Variants in CHD6 observed in about 807,000 individuals in gnomAD.
CHD6 encodes chromodomain helicase DNA binding protein 6.
Under a neutral mutation model 276.9 loss-of-function variants are expected in CHD6, and 50 were observed. The ratio of observed to expected loss-of-function variants is 0.18; its 90% CI spans 0.14 to 0.23. CHD6 has a LOEUF of 0.23. CHD6 is among the 10% of genes least tolerant of loss of function. The pLI is 1.00. For missense variants in CHD6, 2,564 were observed against 3,365.8 expected, an observed-to-expected ratio of 0.76 and a Z score of 5.89; for synonymous variants, 1,173 against 1,229.3, an observed-to-expected ratio of 0.95 and a Z score of 0.96.
intron 26 of CHD6, 69 bp from the exon 27 acceptor site, chr20:41,437,403 G>A: frequency 9.3e-7 from 1 of 1,070,910 alleles, no homozygotes; most frequent in Non-Finnish European, 1.4e-6. Flanking sequence ...CAGTTACCCT[G>A]GTCAACCACA....
intron 1 of CHD6, among the ~76,000 whole-genome samples, chr20:41,597,642 C>T (rs1456038206): frequency 6.6e-6 from 1 of 152,078 alleles, no homozygotes. Context: ...AAAGGCATCG[C>T]CCTCTCCAAA....
chr20:41,471,289 C>T (rs998738087), intron 17 of CHD6, among the ~76,000 whole-genome samples: 12 of 152,140 alleles, frequency 7.9e-5, no homozygotes, highest in Admixed American at 3.3e-4. Flanking sequence ...GTATAATTGT[C>T]GTAAGTAGGT....
chr20:41,429,053 T>A (rs1299827446), intron 27 of CHD6, among the ~76,000 whole-genome samples: 1 of 152,186 alleles, frequency 6.6e-6, no homozygotes, highest in African/African-American at 2.4e-5. Flanking sequence ...GGCCATGACT[T>A]CATCCTTTTA....
In CHD6 at chr20:41,402,363, G is replaced by A. The variant is rs1353032272; in HGVS notation, c.*2230C>T. The A allele has an allele frequency of 4.4e-6, 1 of 228,838 alleles. No individual in the cohort carries two copies. Among genetic ancestry groups the A allele is most frequent in the Non-Finnish European group, 8.7e-6 (1 of 115,354 alleles). 14.2% of individuals were successfully genotyped at this position (228,838 alleles called of 1,614,324 possible). A position where few individuals can be genotyped will look rare whatever the true frequency, so the allele number is the denominator to read the frequency against. ...CACAACAGCAGTCAAATAGAAGCCT[G>A]AACACCCAGAGAGTTAACATACAGA... On this transcript the variant is annotated 3_prime_UTR_variant, in exon 37 of 37. Transcript: ENST00000373233.
chr20:41,450,543 T>C (rs908111007), intron 23 of CHD6, among the ~76,000 whole-genome samples: 1 of 151,938 alleles, frequency 6.6e-6, no homozygotes, highest in Non-Finnish European at 1.5e-5. Flanking sequence ...AATGCATGCC[T>C]ATCAAATAAC....
chr20:41,570,587 G>A lies in CHD6; in HGVS notation c.-23-19227C>T, dbSNP rs551374348. 5.7e-4 allele frequency among the ~76,000 whole-genome samples: 87 copies of A among 152,322 alleles called. No individual in the cohort carries two copies. The Middle Eastern group carries it at 0.017, about 30-fold the overall frequency. ...ATAAGGAAACAATTTTTACAAGGCA[G>A]TCATTCTAGATTCTCAGCCTTCTGT... On this transcript the variant is annotated intron_variant, in intron 1 of 36. Transcript: ENST00000373233.
intron 1 of CHD6, among the ~76,000 whole-genome samples, chr20:41,618,128 G>GCAGGCCGCCGCCTGCCCTCCGC (rs1192200520): frequency 6.7e-6 from 1 of 149,690 alleles, no homozygotes; most frequent in East Asian, 2.0e-4. Flanking sequence ...TCCCCAGGCC[G>GCAGGCCGCCGCCTGCCCTCCGC]CAGGCCGCCG....
At chr20:41,465,211 T>C (rs1007039371) in intron 17 of CHD6, among the ~76,000 whole-genome samples, 1 of 152,302 alleles carries the variant, frequency 6.6e-6, no homozygotes, top group East Asian at 1.9e-4. Flanking sequence ...ACTCAGAAGA[T>C]ACTAATTTTT....
At chr20:41,575,867 T>TA (rs916444041) in intron 1 of CHD6, among the ~76,000 whole-genome samples, 120 of 151,884 alleles carry the variant, frequency 7.9e-4, no homozygotes, top group African/African-American at 2.2e-3. Flanking sequence ...GAAGCCAAAA[T>TA]AAAAAAAATC....
At chr20:41,547,827 G>A (rs1464232213) in intron 2 of CHD6, 1 of 474,062 alleles carries the variant, frequency 2.1e-6, no homozygotes, top group African/African-American at 2.0e-5. Flanking sequence ...CCTGGGGACT[G>A]ACTACTGCCC....
chr20:41,539,406 A>G (rs2146102663), intron 2 of CHD6, among the ~76,000 whole-genome samples: 1 of 152,340 alleles, frequency 6.6e-6, no homozygotes, highest in East Asian at 1.9e-4. Flanking sequence ...TGGACCCAGG[A>G]CACAGGTTAG....
At chr20:41,531,806 C>T (rs147535314) in intron 3 of CHD6, among the ~76,000 whole-genome samples, 1 of 152,326 alleles carries the variant, frequency 6.6e-6, no homozygotes, top group Admixed American at 6.5e-5. Context: ...GTAAACTCCA[C>T]GTTGCAACAC....
intron 27 of CHD6, among the ~76,000 whole-genome samples, chr20:41,428,402 T>G (rs2047432342): frequency 6.6e-6 from 1 of 152,230 alleles, no homozygotes; most frequent in Non-Finnish European, 1.5e-5. Context: ...TAGTCTAATG[T>G]GTGCTACCTC....
At position 41,533,558 on chromosome 20, in the gene CHD6, T is replaced by C; in HGVS notation, c.46A>G (p.Lys16Glu). 3 of 1,602,838 alleles carry C rather than the reference T, an allele frequency of 1.9e-6. No homozygotes were observed. Among genetic ancestry groups the C allele is most frequent in the Non-Finnish European group, 2.5e-6 (3 of 1,177,782 alleles). ...GACATTGGGGAGTGATTCAAAACTTTTAAATTTGACAACTGTAAAAGAAAG... is the reference window on the plus strand; with the variant it reads ...GACATTGGGGAGTGATTCAAAACTTCTAAATTTGACAACTGTAAAAGAAAG... ...QKKEKQLSNL[K>E]VLNHSPMSDA... Residue 16 changes from lysine (K) to glutamate (E), a missense_variant, in exon 3 of 37, where the codon AAA becomes GAA. By Grantham distance (56) the Lys-to-Glu change is moderately conservative. Coordinates refer to ENST00000373233, the MANE Select transcript of CHD6 (RefSeq NM_032221.5).
intron 20 of CHD6, 151 bp downstream of exon 20, chr20:41,454,475 T>C (rs1476561402): frequency 2.4e-5 from 14 of 582,332 alleles, no homozygotes; most frequent in Non-Finnish European, 3.6e-5. Flanking sequence ...TATTGAGTGA[T>C]GTCTATGTGC....
intron 27 of CHD6, among the ~76,000 whole-genome samples, chr20:41,427,033 G>C (rs545591216): frequency 1.4e-4 from 21 of 152,096 alleles, no homozygotes; most frequent in African/African-American, 4.8e-4. Context: ...AGCAAACTGC[G>C]GCCTGCAGAC....
At chr20:41,565,486 G>T (rs1315663957) in intron 1 of CHD6, among the ~76,000 whole-genome samples, 1 of 152,158 alleles carries the variant, frequency 6.6e-6, no homozygotes, top group African/African-American at 2.4e-5. Context: ...GAGAGTAGAT[G>T]GATAAGTTCT....
In CHD6 at chr20:41,403,877, C is replaced by G. The variant is rs1053651073; in HGVS notation, c.*716G>C. ...TAACTCATGGTGGGTAAAGCTTTCTCGCAGCAAGAGGAATCTTTTCACTGG... is the reference window on the plus strand; with the variant it reads ...TAACTCATGGTGGGTAAAGCTTTCTGGCAGCAAGAGGAATCTTTTCACTGG... On this transcript the variant is annotated 3_prime_UTR_variant, in exon 37 of 37. Transcript: ENST00000373233. 3.8e-6 allele frequency: 4 copies of G among 1,056,764 alleles called. No individual in the cohort carries two copies. Among genetic ancestry groups the G allele is most frequent in the Non-Finnish European group, 4.6e-6 (4 of 873,986 alleles). The allele number at this position is 1,056,764 out of a possible 1,614,324, so 65.5% of individuals were successfully genotyped here. A position where few individuals can be genotyped will look rare whatever the true frequency, so the allele number is the denominator to read the frequency against.
At chr20:41,508,416 T>C (rs2044031462) in intron 5 of CHD6, among the ~76,000 whole-genome samples, 1 of 152,054 alleles carries the variant, frequency 6.6e-6, no homozygotes, top group South Asian at 2.1e-4. Flanking sequence ...GACTGAGAAA[T>C]ACCAGCAATT....
Sources: gnomAD v4.1 joint callset for allele counts (sites outside exome capture counted in the v4.1 genomes callset) on GRCh38, gnomAD v4.1.1 for gene constraint, MANE v1.5 for transcripts, NCBI Gene and HGNC (gene_info 2026-07-23, HGNC 2026-07-21) for gene names.